Variants in IHO1 observed in about 807,000 individuals in gnomAD.
IHO1 encodes interactor of HORMAD1 protein 1.
In IHO1, 13 loss-of-function variants were observed where a neutral mutation model predicts 31.0. The observed-to-expected ratio is 0.42, with a 90% CI of 0.27 to 0.67. The LOEUF is 0.67. Ranked by LOEUF, IHO1 falls within the 30% of genes least tolerant of loss-of-function variation. The pLI is 0.24. For missense variants in IHO1, 599 were observed against 687.5 expected, an observed-to-expected ratio of 0.87 and a Z score of 1.44; for synonymous variants, 221 against 248.4, an observed-to-expected ratio of 0.89 and a Z score of 1.04.
chr3:49,195,571 G>A (rs1334221403), upstream of IHO1, among the ~76,000 whole-genome samples: 6 of 151,158 alleles, frequency 4.0e-5, no homozygotes, highest in Admixed American at 6.6e-5. Flanking sequence ...AAAATTAGCT[G>A]GGTGTGGTGG....
At chr3:49,230,007 C>T (rs2046462650) in intron 2 of IHO1, among the ~76,000 whole-genome samples, 1 of 152,174 alleles carries the variant, frequency 6.6e-6, no homozygotes, top group Non-Finnish European at 1.5e-5. Context: ...GGAACCGCTT[C>T]AAGTGGAAAG....
At chr3:49,244,378 G>A (rs761272324) in intron 4 of IHO1, 26 bp from the exon 5 acceptor site, 10 of 1,381,376 alleles carry the variant, frequency 7.2e-6, no homozygotes, top group Non-Finnish European at 1.0e-5. Flanking sequence ...ATAAAGATTT[G>A]TTTTCTTTTT....
chr3:49,211,668 CT>C (rs1559438524), intron 1 of IHO1, 97 bp from the exon 2 acceptor site: 3 of 474,618 alleles, frequency 6.3e-6, no homozygotes, highest in Non-Finnish European at 1.1e-5. Flanking sequence ...GGGAATATAG[CT>C]GCTGGAATGT....
Position 49,205,331 on chromosome 3 carries a change from C to CT in IHO1, c.-16+5773dup, listed in dbSNP as rs766264368. 1.7e-3 allele frequency among the ~76,000 whole-genome samples: 239 copies of CT among 139,608 alleles called. 1 individual carries two copies. Among genetic ancestry groups the CT allele is most frequent in the Middle Eastern group, 3.8e-3 (1 of 266 alleles). The allele number at this position is 139,608 out of a possible 152,430, so 91.6% of individuals were successfully genotyped here. A position where few individuals can be genotyped will look rare whatever the true frequency, so the allele number is the denominator to read the frequency against. The stretch of plus-strand genomic sequence containing the variant: ...ATGCGGTGAGGGCGACCAGAGGTCA[C>CT]TTTTTTTTTTTTTTTGAGACACTGT... On this transcript the variant is annotated intron_variant, in intron 1 of 7. Coordinates refer to ENST00000452691, the MANE Select transcript of IHO1 (RefSeq NM_001135197.2).
At chr3:49,236,868 G>T in intron 3 of IHO1, 146 bp downstream of exon 3, 1 of 699,614 alleles carries the variant, frequency 1.4e-6, no homozygotes, top group Admixed American at 3.3e-5. Flanking sequence ...GATCCCTTGA[G>T]CCCAGGAGTT....
In IHO1 at chr3:49,236,016, G is replaced by A. The variant is rs990683893; in HGVS notation, c.57-532G>A. On this transcript the variant is annotated intron_variant, in intron 2 of 7. Transcript: ENST00000452691. ...AGCAATTTGGGAGGCTGAGATGGGC[G>A]AATCACCTGAGGTCAGGAGTTCAAG... Among the ~76,000 whole-genome samples the A allele has an allele frequency of 8.2e-5, 12 of 146,668 alleles. No homozygotes were observed. The East Asian group carries it at 1.7e-3, about 21-fold the overall frequency.
chr3:49,203,434 G>C (rs1367092438), intron 1 of IHO1, among the ~76,000 whole-genome samples: 1 of 152,152 alleles, frequency 6.6e-6, no homozygotes, highest in Admixed American at 6.6e-5. Flanking sequence ...TGTAGGGTAA[G>C]AGCAGTGGAG....
chr3:49,239,913 G>A (rs576750493), intron 3 of IHO1, among the ~76,000 whole-genome samples: 22 of 151,686 alleles, frequency 1.5e-4, no homozygotes, highest in Admixed American at 5.9e-4. Flanking sequence ...TGCCCACTTC[G>A]GCCTCCCAAA....
chr3:49,214,611 T>TATATATATATATATAC (rs200058169), intron 2 of IHO1, among the ~76,000 whole-genome samples: 431 of 27,036 alleles, frequency 0.016, 66 homozygotes, highest in East Asian at 0.13. Context: ...CTAGATCATA[T>TATATATATATATATAC]ATATATATAT....
intron 1 of IHO1, among the ~76,000 whole-genome samples, chr3:49,202,851 ATTTT>A (rs71077774): frequency 1.1e-5 from 1 of 90,150 alleles, no homozygotes; most frequent in Non-Finnish European, 2.1e-5. Flanking sequence ...AATTTTTTGT[ATTTT>A]TTTTTTTTTT....
In IHO1 at chr3:49,223,457, C is replaced by T. The variant is rs142426465; in HGVS notation, c.56+11621C>T. Among the ~76,000 whole-genome samples the T allele has an allele frequency of 7.6e-3, 1,162 of 152,050 alleles. 18 individuals carry two copies. The highest frequency in any genetic ancestry group is 0.026 in the African/African-American group (1,079 of 41,464). On this transcript the variant is annotated intron_variant, in intron 2 of 7. Transcript: ENST00000452691. The stretch of plus-strand genomic sequence containing the variant: ...CTGTAATCCCAGCACTTTGGGAGAC[C>T]GAGGCGGGCGGATCACGAGGTCAGG...
chr3:49,197,647 G>T (rs1206502863), upstream of IHO1, among the ~76,000 whole-genome samples: 2 of 152,124 alleles, frequency 1.3e-5, no homozygotes, highest in East Asian at 3.9e-4. Context: ...GGCTGAGGTG[G>T]GTGGATCACC....
intron 2 of IHO1, among the ~76,000 whole-genome samples, chr3:49,222,802 TG>T (rs1242959844): frequency 6.6e-6 from 1 of 152,142 alleles, no homozygotes; most frequent in South Asian, 2.1e-4. Context: ...GAGGCTGGTC[TG>T]GGTGATCTTG....
At chr3:49,210,443 G>A (rs1462410748) in intron 1 of IHO1, among the ~76,000 whole-genome samples, 1 of 151,622 alleles carries the variant, frequency 6.6e-6, no homozygotes, top group African/African-American at 2.4e-5. Context: ...GATCGCCCAG[G>A]CTGGAGTGCA....
At chr3:49,221,030 A>G (rs2046349308) in intron 2 of IHO1, among the ~76,000 whole-genome samples, 1 of 152,200 alleles carries the variant, frequency 6.6e-6, no homozygotes, top group African/African-American at 2.4e-5. Context: ...TGATTGGTCC[A>G]CTTTACAGTG....
chr3:49,199,330 G>C (rs1316664774), upstream of IHO1, among the ~76,000 whole-genome samples: 1 of 152,242 alleles, frequency 6.6e-6, no homozygotes, highest in Non-Finnish European at 1.5e-5. Context: ...CCTGGGGACT[G>C]GACGGAATCC....
chr3:49,244,828 C>T, intron 6 of IHO1, 95 bp downstream of exon 6: 1 of 1,069,908 alleles, frequency 9.3e-7, no homozygotes, highest in South Asian at 1.2e-5. Flanking sequence ...GGTGAGGTTC[C>T]TCACAGGGTT....
chr3:49,209,010 C>G (rs2046175311), intron 1 of IHO1, among the ~76,000 whole-genome samples: 1 of 149,870 alleles, frequency 6.7e-6, no homozygotes, highest in South Asian at 2.1e-4. Context: ...TGTAGGACAT[C>G]TTTCTTCTGG....
At chr3:49,211,004 TAG>T (rs1463350034) in intron 1 of IHO1, among the ~76,000 whole-genome samples, 3 of 132,368 alleles carry the variant, frequency 2.3e-5, no homozygotes, top group South Asian at 5.0e-4. Flanking sequence ...CCTCTCCATT[TAG>T]TTTTTTTTTT....
Sources: gnomAD v4.1 joint callset for allele counts (sites outside exome capture counted in the v4.1 genomes callset) on GRCh38, gnomAD v4.1.1 for gene constraint, MANE v1.5 for transcripts, NCBI Gene and HGNC (gene_info 2026-07-23, HGNC 2026-07-21) for gene names.